The following WDR31 variants were observed in gnomAD, a reference collection of about 807,000 sequenced individuals.
The protein encoded by WDR31 is WD repeat domain 31, also known as WD repeat-containing protein 31.
WDR31 carries 30 observed loss-of-function variants against 47.3 expected under a neutral mutation model. That is an observed-to-expected ratio of 0.63 (90% CI 0.47 to 0.86). The LOEUF is 0.86. Ranked by LOEUF, WDR31 falls within the 40% of genes least tolerant of loss-of-function variation. The probability of loss-of-function intolerance (pLI) is 0.00; values close to 1 mark genes in which losing one functional copy is unlikely to be tolerated. For synonymous variants in WDR31, 137 were observed against 159.4 expected (o/e 0.86, Z 1.06); for missense variants, 406 against 442.9 (o/e 0.92, Z 0.75).
chr9:113,316,717 G>A lies in WDR31; in HGVS notation c.*32C>T, dbSNP rs933357724. 6.2e-7 allele frequency: 1 copy of A among 1,600,786 alleles called. No individual in the cohort carries two copies. The highest frequency in any genetic ancestry group is 2.2e-5 in the East Asian group (1 of 44,760). On this transcript the variant is annotated 3_prime_UTR_variant, in exon 11 of 11. Coordinates refer to ENST00000374193, the MANE Select transcript of WDR31 (RefSeq NM_001012361.4). The stretch of plus-strand genomic sequence containing the variant: ...AAAGCCATGCTGAGGAGGAGCCATG[G>A]TTTGATATTGTCCAGTGAGTGTCTC...
chr9:113,338,468 T>C (rs1055411350), intron 1 of WDR31, among the ~76,000 whole-genome samples: 6 of 152,238 alleles, frequency 3.9e-5, no homozygotes, highest in African/African-American at 1.4e-4. Context: ...ATTAGGAACA[T>C]GTAATATACT....
chr9:113,340,046 T>A (rs1420369623), intron 1 of WDR31, among the ~76,000 whole-genome samples, 171 bp downstream of exon 1: 2 of 152,108 alleles, frequency 1.3e-5, no homozygotes, highest in Non-Finnish European at 2.9e-5. Flanking sequence ...AAAGCTTATT[T>A]TTTATGTGTA....
Position 113,328,942 on chromosome 9 carries a change from T to C in WDR31, c.263A>G (p.Tyr88Cys). 6.2e-7 allele frequency: 1 copy of C among 1,614,048 alleles called. No homozygotes were observed. The highest frequency in any genetic ancestry group is 8.5e-7 in the Non-Finnish European group (1 of 1,179,866). ...CACCACATTTCCAGTTTTCCAATTATAGGCCACAACTGTCTGAAGAGAGTG... is the reference window on the plus strand; with the variant it reads ...CACCACATTTCCAGTTTTCCAATTACAGGCCACAACTGTCTGAAGAGAGTG... ...SGGKDKTVVA[Y>C]NWKTGNVVKR... The change falls in exon 5 of 11, where the codon TAT becomes TGT. Residue 88 changes from tyrosine (Y) to cysteine (C), a missense_variant. By Grantham distance (194) the Tyr-to-Cys change is radical. Coordinates refer to ENST00000374193, the MANE Select transcript of WDR31 (RefSeq NM_001012361.4).
rs1477109069 is a variant in WDR31, at chr9:113,323,021, A to G, written c.459T>C (p.Ala153=). 1 of 1,614,040 alleles carries G rather than the reference A, an allele frequency of 6.2e-7. No individual in the cohort carries two copies. Among genetic ancestry groups the G allele is most frequent in the East Asian group, 2.2e-5 (1 of 44,900 alleles). Reference sequence around the variant, plus strand: ...TCCGCTTTGTTTTACCTGGACTCACAGCCAATCCGGTGACCACCATGGCAT... The same window carrying G: ...TCCGCTTTGTTTTACCTGGACTCACGGCCAATCCGGTGACCACCATGGCAT... ...CGHAMVVTGL[A]VSPDSSQLCT... The change falls in exon 6 of 11, where the codon GCT becomes GCC. Residue 153 remains alanine (A), a synonymous_variant. Transcript: ENST00000374193.
At chr9:113,317,884 A>G (rs781397597) in intron 10 of WDR31, among the ~76,000 whole-genome samples, 15 of 152,232 alleles carry the variant, frequency 9.9e-5, no homozygotes, top group Admixed American at 6.5e-5. Context: ...CTCCATCATG[A>G]TCAGATTTCA....
At chr9:113,335,478 T>C (rs567749060) in intron 2 of WDR31, among the ~76,000 whole-genome samples, 2 of 152,200 alleles carry the variant, frequency 1.3e-5, no homozygotes, top group Non-Finnish European at 2.9e-5. Flanking sequence ...ATAAGTTTCT[T>C]ATGGGCATGA....
rs1291760022 is a variant in WDR31 at position 113,331,220 on chromosome 9, C to A, written c.117-104G>T. The A allele has an allele frequency of 5.8e-6, 5 of 867,310 alleles. No individual in the cohort carries two copies. The East Asian group carries it at 9.4e-5, about 16-fold the overall frequency. The allele number at this position is 867,310 out of a possible 1,614,324, so 53.7% of individuals were successfully genotyped here. A position where few individuals can be genotyped will look rare whatever the true frequency, so the allele number is the denominator to read the frequency against. ...ATGTGGGTTAAGAAGGCAATTCAGG[C>A]CAGACTAAGGAGAAATATTTAAAAA... On this transcript the variant is annotated intron_variant, in intron 3 of 10. Coordinates refer to ENST00000374193, the MANE Select transcript of WDR31 (RefSeq NM_001012361.4).
At chr9:113,324,193 C>T (rs1588043142) in intron 5 of WDR31, among the ~76,000 whole-genome samples, 1 of 152,054 alleles carries the variant, frequency 6.6e-6, no homozygotes, top group East Asian at 1.9e-4. Flanking sequence ...AACCTTTAAA[C>T]AATTACTCTC....
intron 3 of WDR31, 80 bp from the exon 4 acceptor site, chr9:113,331,196 T>A (rs939820017): frequency 8.4e-7 from 1 of 1,196,536 alleles, no homozygotes; most frequent in South Asian, 1.9e-5. Flanking sequence ...GGGAGAAGAA[T>A]GTGGGTTAAG....
In WDR31 at chr9:113,314,328, C is replaced by A. The variant is rs1833143111; in HGVS notation, c.*2421G>T. 6.6e-6 allele frequency: 1 copy of A among 150,864 alleles called. No individual in the cohort carries two copies. The highest frequency in any genetic ancestry group is 1.5e-5 in the Non-Finnish European group (1 of 67,814). The allele number at this position is 150,864 out of a possible 1,614,324, so 9.3% of individuals were successfully genotyped here. A position where few individuals can be genotyped will look rare whatever the true frequency, so the allele number is the denominator to read the frequency against. ...CTCCCCGGTTGAAGCGATTCTCCTG[C>A]CTCAGCCTCCTGAGTAGCTGGGACT... On this transcript the variant is annotated 3_prime_UTR_variant, in exon 11 of 11. Transcript: ENST00000374193.
chr9:113,337,638 G>GT (rs1264132185), intron 1 of WDR31, among the ~76,000 whole-genome samples: 1 of 151,884 alleles, frequency 6.6e-6, no homozygotes, highest in African/African-American at 2.4e-5. Flanking sequence ...GCTAAGTTTT[G>GT]TATTTTTAGT....
intron 7 of WDR31, 149 bp from the exon 8 acceptor site, chr9:113,321,727 T>C: frequency 1.4e-6 from 1 of 712,060 alleles, no homozygotes; most frequent in Admixed American, 2.6e-5. Context: ...GTTTTGCAGA[T>C]ACCTATCAGT....
rs1248952738 is a variant in WDR31, at chr9:113,319,092, T to C, written c.781-455A>G. Among the ~76,000 whole-genome samples, 4 of 152,298 alleles carry C rather than the reference T, an allele frequency of 2.6e-5. No individual in the cohort carries two copies. The East Asian group carries it at 7.7e-4, about 29-fold the overall frequency. On this transcript the variant is annotated intron_variant, in intron 9 of 10. Coordinates refer to ENST00000374193, the MANE Select transcript of WDR31 (RefSeq NM_001012361.4). ...GTTAGAAGTACCCCATAGATATAAG[T>C]ACATCTAGGTGCAGACATTCTGATT...
chr9:113,327,282 T>C (rs1471314925), intron 5 of WDR31, among the ~76,000 whole-genome samples: 1 of 152,250 alleles, frequency 6.6e-6, no homozygotes, highest in African/African-American at 2.4e-5. Flanking sequence ...TTGTTATATG[T>C]ATATTTAAAA....
chr9:113,331,724 G>A (rs1475933722), intron 3 of WDR31, among the ~76,000 whole-genome samples, 183 bp downstream of exon 3: 3 of 152,182 alleles, frequency 2.0e-5, no homozygotes, highest in Admixed American at 2.0e-4. Flanking sequence ...TGGGATTACA[G>A]GTGTGAGACA....
chr9:113,318,344 C>G (rs1207780606), intron 10 of WDR31, 131 bp downstream of exon 10: 2 of 1,045,020 alleles, frequency 1.9e-6, no homozygotes, highest in Non-Finnish European at 2.8e-6. Context: ...GACATCACCT[C>G]TTAAGCATGA....
chr9:113,337,986 G>A (rs932708), intron 1 of WDR31, among the ~76,000 whole-genome samples: 1,535 of 152,330 alleles, frequency 0.01, 80 homozygotes, highest in Admixed American at 0.08. Context: ...TGGCAGAGCT[G>A]AAACTTGAAT....
At chr9:113,325,901 ATTCT>A (rs1833451082) in intron 5 of WDR31, among the ~76,000 whole-genome samples, 1 of 144,444 alleles carries the variant, frequency 6.9e-6, no homozygotes, top group South Asian at 2.2e-4. Context: ...ATTCATTCAC[ATTCT>A]TTATTTTTTA....
intron 5 of WDR31, among the ~76,000 whole-genome samples, chr9:113,325,614 AT>A (rs34317551): frequency 0.028 from 4,242 of 150,126 alleles, 199 homozygotes; most frequent in African/African-American, 0.096. Flanking sequence ...TGTAAGGAAA[AT>A]TTTTTTTTTC....
Sources: gnomAD v4.1 joint callset for allele counts (sites outside exome capture counted in the v4.1 genomes callset) on GRCh38, gnomAD v4.1.1 for gene constraint, MANE v1.5 for transcripts, NCBI Gene and HGNC (gene_info 2026-07-23, HGNC 2026-07-21) for gene names.